ZFR: variants seen among roughly 807,000 people sequenced by gnomAD.
The protein encoded by ZFR is zinc finger RNA-binding protein.
A neutral mutation model predicts 130.7 loss-of-function variants in ZFR; 19 were observed. The observed-to-expected ratio is 0.15, with a 90% CI of 0.10 to 0.21. The LOEUF is 0.21. ZFR is among the 10% of genes least tolerant of loss of function. ZFR has a pLI of 1.00. For missense variants in ZFR, 872 were observed against 1,321.5 expected (o/e 0.66, Z 5.27); for synonymous variants, 466 against 456.9 (o/e 1.02, Z -0.25).
At chr5:32,422,438 C>T (rs1753977251) in intron 2 of ZFR, among the ~76,000 whole-genome samples, 2 of 152,262 alleles carry the variant, frequency 1.3e-5, no homozygotes, top group South Asian at 2.1e-4. Context: ...CTGGCATTGT[C>T]TAACTCTGCT....
rs1754569885 is a variant in ZFR at position 32,444,705 on chromosome 5, C to CCCTCCTCTGCCCCGCT, written c.-63_-48dup. 2.7e-6 allele frequency: 4 copies of CCCTCCTCTGCCCCGCT among 1,498,710 alleles called. No homozygotes were observed. The highest frequency in any genetic ancestry group is 2.4e-5 in the Admixed American group (1 of 42,242). 92.8% of individuals were successfully genotyped at this position (1,498,710 alleles called of 1,614,324 possible). A position where few individuals can be genotyped will look rare whatever the true frequency, so the allele number is the denominator to read the frequency against. On this transcript the variant is annotated 5_prime_UTR_variant, in exon 1 of 20. Coordinates refer to ENST00000265069, the MANE Select transcript of ZFR (RefSeq NM_016107.5). ...AACTCTGAACTCTCACCCGCTGCCT[C>CCCTCCTCTGCCCCGCT]CCTCCTCTGCCCCGCTCCTCCTCAG...
chr5:32,391,427 A>AG (rs1296854774), intron 11 of ZFR, among the ~76,000 whole-genome samples: 1 of 152,130 alleles, frequency 6.6e-6, no homozygotes, highest in Non-Finnish European at 1.5e-5. Flanking sequence ...ATTACAAAAT[A>AG]CTATGCATAC....
intron 5 of ZFR, among the ~76,000 whole-genome samples, chr5:32,410,182 G>A (rs936279141): frequency 3.3e-5 from 5 of 150,436 alleles, no homozygotes; most frequent in South Asian, 4.2e-4. Flanking sequence ...GGCATGCACC[G>A]AGGCAGGATG....
At chr5:32,392,119 A>AT (rs1202230773) in intron 11 of ZFR, among the ~76,000 whole-genome samples, 1 of 152,250 alleles carries the variant, frequency 6.6e-6, no homozygotes, top group Non-Finnish European at 1.5e-5. Flanking sequence ...GAAAAAATGA[A>AT]TAAAAACAGC....
chr5:32,371,714 G>A (rs993646294), intron 17 of ZFR, among the ~76,000 whole-genome samples: 1 of 151,650 alleles, frequency 6.6e-6, no homozygotes, highest in African/African-American at 2.4e-5. Context: ...TTGAAAACCA[G>A]GAAAGAACAG....
intron 5 of ZFR, among the ~76,000 whole-genome samples, chr5:32,410,696 A>G (rs1410960746): frequency 6.6e-6 from 1 of 152,186 alleles, no homozygotes; most frequent in Non-Finnish European, 1.5e-5. Context: ...AAAAATTAAC[A>G]TTTCAGTAGT....
chr5:32,435,507 T>TA (rs1319705656), intron 2 of ZFR, among the ~76,000 whole-genome samples: 1 of 152,216 alleles, frequency 6.6e-6, no homozygotes, highest in African/African-American at 2.4e-5. Flanking sequence ...TTACATTTCA[T>TA]AGAGACCATT....
intron 17 of ZFR, among the ~76,000 whole-genome samples, chr5:32,372,945 AG>A (rs1381154409): frequency 1.1e-4 from 17 of 152,384 alleles, no homozygotes; most frequent in African/African-American, 4.1e-4. Context: ...AAATAACCAT[AG>A]TTAATAAAAA....
At chr5:32,368,479 G>A (rs1752595836) in intron 17 of ZFR, among the ~76,000 whole-genome samples, 1 of 152,140 alleles carries the variant, frequency 6.6e-6, no homozygotes, top group Non-Finnish European at 1.5e-5. Context: ...CAGGTAATCT[G>A]CCCATCTCAG....
At chr5:32,439,335 C>T (rs2111874656) in intron 2 of ZFR, among the ~76,000 whole-genome samples, 1 of 152,218 alleles carries the variant, frequency 6.6e-6, no homozygotes, top group Non-Finnish European at 1.5e-5. Flanking sequence ...TCCTTTTCTA[C>T]CTTACTAGTG....
At chr5:32,382,345 C>A (rs1157551547) in intron 15 of ZFR, among the ~76,000 whole-genome samples, 3 of 151,916 alleles carry the variant, frequency 2.0e-5, no homozygotes, top group South Asian at 2.1e-4. Context: ...CTCACACACA[C>A]AAAAAAGAAA....
chr5:32,402,989 G>A, intron 8 of ZFR, 117 bp downstream of exon 8: 1 of 978,764 alleles, frequency 1.0e-6, no homozygotes. Context: ...AAGAAACAAG[G>A]TCCCAGAGAG....
rs1382399013 is a variant in ZFR at position 32,404,091 on chromosome 5, T to C, written c.1039A>G (p.Lys347Glu). 1 of 1,598,048 alleles carries C rather than the reference T, an allele frequency of 6.3e-7. No homozygotes were observed. The change falls in exon 7 of 20, where the codon AAA (lysine) becomes GAA (glutamate). Residue 347 changes from lysine to glutamate, a missense_variant. By Grantham distance (56) the Lys-to-Glu change is moderately conservative. Transcript: ENST00000265069. Reference sequence around the variant, plus strand: ...TGTTTCTGTCCTTCTAAATGTTCTTTATAAGTCTGTTTCAAATAAAAAGGA... The same window carrying C: ...TGTTTCTGTCCTTCTAAATGTTCTTCATAAGTCTGTTTCAAATAAAAAGGA... ...KISCAGPQTY[K>E]EHLEGQKHKK...
intron 13 of ZFR, 21 bp from the exon 14 acceptor site, chr5:32,387,720 A>G: frequency 6.3e-7 from 1 of 1,592,374 alleles, no homozygotes; most frequent in Non-Finnish European, 8.6e-7. Context: ...ATAAAATTAT[A>G]TTATGATATT....
At chr5:32,390,521 A>T in intron 11 of ZFR, 84 bp from the exon 12 acceptor site, 1 of 1,335,082 alleles carries the variant, frequency 7.5e-7, no homozygotes, top group Non-Finnish European at 1.0e-6. Flanking sequence ...AAAAAGCAAT[A>T]AAAAACCCCA....
chr5:32,356,556 G>A (rs1352059730), intron 19 of ZFR, among the ~76,000 whole-genome samples: 1 of 151,802 alleles, frequency 6.6e-6, no homozygotes, highest in Non-Finnish European at 1.5e-5. Context: ...GGGACTACAG[G>A]TGCCCGCCAC....
At position 32,355,792 on chromosome 5, in the gene ZFR, TCCCCTCAGC is replaced by T. The variant is rs1229560119; in HGVS notation, c.3184_3192del (p.Ala1062_Gly1064del). 6.3e-7 allele frequency: 1 copy of T among 1,594,816 alleles called. No homozygotes were observed. The highest frequency in any genetic ancestry group is 8.5e-7 in the Non-Finnish European group (1 of 1,174,170). On this transcript the variant is annotated inframe_deletion, in exon 20 of 20. Coordinates refer to ENST00000265069, the MANE Select transcript of ZFR (RefSeq NM_016107.5). Reference sequence around the variant, plus strand: ...TTATCATAATCTTTTTTGTCTTTTTTCCCCTCAGCTTCAAATCCATCAACTCCATCACTA... The same window carrying T: ...TTATCATAATCTTTTTTGTCTTTTTTTTCAAATCCATCAACTCCATCACTA...
chr5:32,380,865 GT>G (rs1471639881), intron 15 of ZFR, among the ~76,000 whole-genome samples: 1 of 151,438 alleles, frequency 6.6e-6, no homozygotes, highest in Admixed American at 6.6e-5. Flanking sequence ...GGCCAGGCTG[GT>G]TTTTAACTCC....
intron 15 of ZFR, among the ~76,000 whole-genome samples, chr5:32,383,097 T>C (rs2111716980): frequency 6.6e-6 from 1 of 152,314 alleles, no homozygotes; most frequent in Non-Finnish European, 1.5e-5. Context: ...AACATGGTCA[T>C]GTAAAATATA....
Sources: gnomAD v4.1 joint callset for allele counts (sites outside exome capture counted in the v4.1 genomes callset) on GRCh38, gnomAD v4.1.1 for gene constraint, MANE v1.5 for transcripts, NCBI Gene and HGNC (gene_info 2026-07-23, HGNC 2026-07-21) for gene names.